Variants in EFHC2 observed in about 807,000 individuals in gnomAD.
The protein encoded by EFHC2 is EF-hand domain containing 2.
Under a neutral mutation model 52.7 loss-of-function variants are expected in EFHC2, and 18 were observed. The ratio of observed to expected loss-of-function variants is 0.34; its 90% confidence interval spans 0.24 to 0.51. The LOEUF is 0.51. Among genes scored for constraint, EFHC2 ranks in the 20% least tolerant of loss-of-function variants. The pLI is 0.97. For synonymous variants in EFHC2, 203 were observed against 204.1 expected (o/e 0.99, Z 0.04); for missense variants, 513 against 562.5 (o/e 0.91, Z 0.89).
rs765082839 is a variant in EFHC2 at position 44,341,856 on chromosome X, C to T, written c.42+1691G>A. Among the ~76,000 whole-genome samples the T allele has an allele frequency of 3.6e-5, 4 of 112,341 alleles. No individual in the cohort carries two copies. In the South Asian group the frequency reaches 1.1e-3, roughly 31 times the overall value. ...AAGTTTTTTAAAAAGCAAAAATATACGCAGAACCTTGCAGATTTATTAATA... is the reference window on the plus strand; with the variant it reads ...AAGTTTTTTAAAAAGCAAAAATATATGCAGAACCTTGCAGATTTATTAATA... On this transcript the variant is annotated intron_variant, in intron 1 of 14. Coordinates refer to ENST00000420999, the MANE Select transcript of EFHC2 (RefSeq NM_025184.4).
At position 44,176,379 on chromosome X, in the gene EFHC2, T is replaced by C; in HGVS notation, c.1955A>G (p.Asn652Ser). 8.4e-7 allele frequency: 1 copy of C among 1,185,900 alleles called. No individual in the cohort carries two copies. Among genetic ancestry groups the C allele is most frequent in the Non-Finnish European group, 1.1e-6 (1 of 880,915 alleles). ...SCVYEDREKK[N>S]VLPTKDIKRL... ...TTTAATGTCTTTGGTGGGTAATACA[T>C]TTTTTCTGCATTAAAACAACGTAAA... The change falls in exon 13 of 15, where the codon AAT becomes AGT. Residue 652 changes from asparagine (N) to serine (S), a missense_variant. Physicochemically the swap from Asn to Ser is conservative, Grantham distance 46. Transcript: ENST00000420999.
intron 5 of EFHC2, among the ~76,000 whole-genome samples, chrX:44,249,138 C>A (rs1490548530): frequency 9.0e-6 from 1 of 111,516 alleles, no homozygotes; most frequent in Non-Finnish European, 1.9e-5. Context: ...TTTTCTGACA[C>A]CTCCTGGTTG....
intron 7 of EFHC2, among the ~76,000 whole-genome samples, chrX:44,246,223 T>C (rs2037399871): frequency 8.9e-6 from 1 of 111,960 alleles, no homozygotes; most frequent in Non-Finnish European, 1.9e-5. Context: ...AATTTAACCT[T>C]ACCAAAAAAT....
At chrX:44,194,245 T>A (rs200676514) in intron 11 of EFHC2, among the ~76,000 whole-genome samples, 5 of 42,531 alleles carry the variant, frequency 1.2e-4, no homozygotes, top group African/African-American at 6.0e-4. Flanking sequence ...TTGTGGCTTA[T>A]TTTTTTTATT....
chrX:44,217,483 A>C, intron 11 of EFHC2, among the ~76,000 whole-genome samples: 1 of 112,055 alleles, frequency 8.9e-6, no homozygotes, highest in Non-Finnish European at 1.9e-5. Flanking sequence ...AGTGTCCACC[A>C]ATAGGTAAGT....
chrX:44,271,256 A>T (rs2037615181), intron 3 of EFHC2, among the ~76,000 whole-genome samples: 1 of 111,339 alleles, frequency 9.0e-6, no homozygotes, highest in Non-Finnish European at 1.9e-5. Context: ...GCAAGAATGG[A>T]AACAGGGAGA....
At chrX:44,202,157 TAAAATGAGATCAATATAC>T (rs1357731138) in intron 11 of EFHC2, among the ~76,000 whole-genome samples, 10 of 111,983 alleles carry the variant, frequency 8.9e-5, no homozygotes, top group African/African-American at 2.9e-4. Flanking sequence ...ATTCAAAAAA[TAAAATGAGATCAATATAC>T]AAAACATAAT....
chrX:44,304,462 A>G (rs2037889539), intron 2 of EFHC2, among the ~76,000 whole-genome samples: 1 of 111,707 alleles, frequency 9.0e-6, no homozygotes, highest in African/African-American at 3.3e-5. Context: ...TTCCTGCTCC[A>G]TTTCTCCTTG....
Position 44,334,413 on chromosome X carries a change from C to T in EFHC2, c.42+9134G>A, listed in dbSNP as rs183766001. Among the ~76,000 whole-genome samples the T allele has an allele frequency of 6.2e-5, 7 of 112,350 alleles. No homozygotes were observed. The East Asian group carries it at 1.7e-3, about 27-fold the overall frequency. The stretch of plus-strand genomic sequence containing the variant: ...CTATCCTGTGATCTAGCATAGTAGA[C>T]AGCAATTGTTTTGTCTGCCCAGCAA... On this transcript the variant is annotated intron_variant, in intron 1 of 14. Coordinates refer to ENST00000420999, the MANE Select transcript of EFHC2 (RefSeq NM_025184.4).
intron 11 of EFHC2, among the ~76,000 whole-genome samples, chrX:44,221,362 T>A (rs905583034): frequency 9.0e-6 from 1 of 111,707 alleles, no homozygotes; most frequent in Non-Finnish European, 1.9e-5. Flanking sequence ...CATTTTCTAG[T>A]TGACTGTCAC....
chrX:44,178,699 A>C (rs2036810791), intron 11 of EFHC2, 135 bp from the exon 12 acceptor site: 1 of 480,716 alleles, frequency 2.1e-6, no homozygotes, highest in African/African-American at 2.5e-5. Flanking sequence ...TGATTTTTTT[A>C]ACTTAATTTC....
At chrX:44,340,379 C>T (rs1178389235) in intron 1 of EFHC2, among the ~76,000 whole-genome samples, 1 of 111,325 alleles carries the variant, frequency 9.0e-6, no homozygotes, top group African/African-American at 3.3e-5. Flanking sequence ...AAGCCAGGCA[C>T]GGTGGCTCAC....
chrX:44,212,401 T>C (rs1030018067), intron 11 of EFHC2, among the ~76,000 whole-genome samples: 2 of 111,018 alleles, frequency 1.8e-5, no homozygotes, highest in Admixed American at 1.9e-4. Context: ...AGTAGCAAAG[T>C]AACCACGAGC....
At chrX:44,282,322 G>A (rs1459467916) in intron 2 of EFHC2, among the ~76,000 whole-genome samples, 1 of 105,740 alleles carries the variant, frequency 9.5e-6, no homozygotes, top group African/African-American at 3.5e-5. Context: ...CACAGGACTG[G>A]GCCGGGCACG....
intron 11 of EFHC2, among the ~76,000 whole-genome samples, chrX:44,223,138 G>A (rs767996744): frequency 2.5e-4 from 28 of 112,325 alleles, no homozygotes; most frequent in Admixed American, 9.4e-4. Context: ...CTTGCAGTTA[G>A]AAATATGCAG....
At chrX:44,186,477 A>G (rs2036875025) in intron 11 of EFHC2, among the ~76,000 whole-genome samples, 1 of 111,794 alleles carries the variant, frequency 8.9e-6, no homozygotes, top group Non-Finnish European at 1.9e-5. Flanking sequence ...TTCGTTTTCT[A>G]CCACTGCCTT....
At chrX:44,255,397 C>T (rs1332873243) in intron 4 of EFHC2, among the ~76,000 whole-genome samples, 1 of 111,105 alleles carries the variant, frequency 9.0e-6, no homozygotes, top group African/African-American at 3.3e-5. Context: ...TGCAAAGACA[C>T]ACATAAGCTC....
intron 14 of EFHC2, among the ~76,000 whole-genome samples, chrX:44,154,737 GTCTACATCA>G (rs2036594959): frequency 9.1e-6 from 1 of 109,998 alleles, no homozygotes; most frequent in Non-Finnish European, 1.9e-5. Flanking sequence ...ACTCTTAATC[GTCTACATCA>G]TCTACATTTG....
intron 3 of EFHC2, among the ~76,000 whole-genome samples, chrX:44,264,247 G>C (rs1483485395): frequency 1.8e-5 from 2 of 111,872 alleles, no homozygotes; most frequent in Non-Finnish European, 3.8e-5. Flanking sequence ...TACTTGAGGA[G>C]GAAGAGCCAT....
Sources: gnomAD v4.1 joint callset for allele counts (sites outside exome capture counted in the v4.1 genomes callset) on GRCh38, gnomAD v4.1.1 for gene constraint, MANE v1.5 for transcripts, NCBI Gene and HGNC (gene_info 2026-07-23, HGNC 2026-07-21) for gene names.